The following HDAC9 variants were observed in gnomAD, a reference collection of about 807,000 sequenced individuals.
HDAC9 encodes the protein MEF-2 interacting transcription repressor (MITR) protein.
HDAC9 carries 41 observed loss-of-function variants against 139.4 expected under a neutral mutation model. The ratio of observed to expected loss-of-function variants is 0.29; its 90% CI spans 0.23 to 0.38. The LOEUF is 0.38. HDAC9 is among the 10% of genes least tolerant of loss of function. The probability of loss-of-function intolerance (pLI) is 1.00; values close to 1 mark genes in which losing one functional copy is unlikely to be tolerated. For missense variants in HDAC9, 1,147 were observed against 1,297.0 expected, an observed-to-expected ratio of 0.88 and a Z score of 1.78; for synonymous variants, 517 against 476.2, an observed-to-expected ratio of 1.09 and a Z score of -1.12.
In HDAC9 at chr7:18,568,773, C is replaced by T. The variant is rs188839479; in HGVS notation, c.23-16508C>T. Among the ~76,000 whole-genome samples the T allele has an allele frequency of 1.2e-3, 186 of 152,220 alleles. 1 individual carries two copies. Among genetic ancestry groups the T allele is most frequent in the African/African-American group, 4.2e-3 (174 of 41,540 alleles). ...ATGTGAGAATAAAAATTGGGCCGGG[C>T]GCAGTGGCTCACACCTGTAATCCCA... On this transcript the variant is annotated intron_variant, in intron 2 of 25. Coordinates refer to ENST00000686413, the MANE Select transcript of HDAC9 (RefSeq NM_178425.4).
At chr7:18,390,729 C>T (rs1786394688) in intron 1 of HDAC9, among the ~76,000 whole-genome samples, 1 of 152,214 alleles carries the variant, frequency 6.6e-6, no homozygotes, top group Non-Finnish European at 1.5e-5. Flanking sequence ...GGAGAAGTGA[C>T]TTATGAGAAT....
At chr7:18,096,222 A>T (rs895300734) in intron 1 of HDAC9, among the ~76,000 whole-genome samples, 1 of 152,208 alleles carries the variant, frequency 6.6e-6, no homozygotes, top group African/African-American at 2.4e-5. Context: ...CACACTCATG[A>T]TGATTATAAC....
At chr7:18,856,988 C>T (rs1400237452) in intron 21 of HDAC9, among the ~76,000 whole-genome samples, 2 of 152,008 alleles carry the variant, frequency 1.3e-5, no homozygotes, top group Non-Finnish European at 2.9e-5. Flanking sequence ...TTCATATATT[C>T]TTCTCCTACC....
intron 1 of HDAC9, among the ~76,000 whole-genome samples, chr7:18,467,133 G>T (rs1051758110): frequency 4.6e-5 from 7 of 151,982 alleles, no homozygotes; most frequent in African/African-American, 7.3e-5. Flanking sequence ...CTTTAATAAG[G>T]CCAAAATATC....
In HDAC9 at chr7:18,196,032, C is replaced by T. The variant is rs59786783; in HGVS notation, c.25+33683C>T. On this transcript the variant is annotated intron_variant, in intron 2 of 12. Coordinates refer to the HDAC9 transcript ENST00000417496. ...TATTCTTTTAAAGCTTTGTGTCTAC[C>T]ACTGTTTTAGCATGCATTACATTCC... Among the ~76,000 whole-genome samples, 431 of 152,110 alleles carry T rather than the reference C, an allele frequency of 2.8e-3. 1 individual carries two copies. Among genetic ancestry groups the T allele is most frequent in the African/African-American group, 9.6e-3 (397 of 41,482 alleles).
At chr7:18,382,763 A>T (rs748126072) in intron 1 of HDAC9, among the ~76,000 whole-genome samples, 1 of 152,282 alleles carries the variant, frequency 6.6e-6, no homozygotes, top group Non-Finnish European at 1.5e-5. Flanking sequence ...TAATAATTTT[A>T]AAGTAATTAT....
chr7:18,277,722 A>G (rs1013556767), intron 2 of HDAC9, among the ~76,000 whole-genome samples: 3 of 152,102 alleles, frequency 2.0e-5, no homozygotes, highest in African/African-American at 4.8e-5. Flanking sequence ...CAAATATGGG[A>G]ATATTTTCAG....
At chr7:18,392,064 A>G (rs956368292) in intron 1 of HDAC9, among the ~76,000 whole-genome samples, 2 of 152,146 alleles carry the variant, frequency 1.3e-5, no homozygotes, top group African/African-American at 4.8e-5. Flanking sequence ...TGAGCAAGAC[A>G]CAGTGAAAAG....
intron 22 of HDAC9, among the ~76,000 whole-genome samples, chr7:18,915,090 C>T (rs554281106): frequency 5.3e-4 from 81 of 152,104 alleles, no homozygotes; most frequent in Middle Eastern, 3.4e-3. Context: ...TCAATTTGTA[C>T]GCATTTGTGC....
chr7:18,701,056 C>G (rs1373243611), intron 12 of HDAC9, among the ~76,000 whole-genome samples: 1 of 151,664 alleles, frequency 6.6e-6, no homozygotes, highest in Non-Finnish European at 1.5e-5. Context: ...GATACAGGAC[C>G]AAATTAAAAA....
At chr7:18,371,026 T>G (rs1487985538) in intron 1 of HDAC9, among the ~76,000 whole-genome samples, 1 of 152,164 alleles carries the variant, frequency 6.6e-6, no homozygotes, top group African/African-American at 2.4e-5. Flanking sequence ...AACTCGCGCA[T>G]CATGTCACTC....
intron 12 of HDAC9, among the ~76,000 whole-genome samples, chr7:18,687,041 G>A (rs1782324981): frequency 6.6e-6 from 1 of 151,782 alleles, no homozygotes. Flanking sequence ...GATACAGTAT[G>A]CTTTGAGAGT....
chr7:18,667,277 A>G, intron 12 of HDAC9: 1 of 984,798 alleles, frequency 1.0e-6, no homozygotes, highest in African/African-American at 1.7e-5. Flanking sequence ...ATTATGGTCC[A>G]ATCAGATACA....
chr7:18,483,391 G>C (rs1463093927), intron 1 of HDAC9, among the ~76,000 whole-genome samples: 1 of 152,118 alleles, frequency 6.6e-6, no homozygotes, highest in Non-Finnish European at 1.5e-5. Context: ...AGAAAAAGCA[G>C]AATAAAGGAA....
Position 18,140,071 on chromosome 7 carries a change from A to G in HDAC9, c.-96-22158A>G, listed in dbSNP as rs536540915. On this transcript the variant is annotated intron_variant, in intron 1 of 12. Transcript: ENST00000417496. ...CAACACTGTGGAGAAGTGTAAGCCC[A>G]TAAGCAACCTCAGTCCATGATGAAA... Among the ~76,000 whole-genome samples the G allele has an allele frequency of 8.5e-5, 13 of 152,304 alleles. No homozygotes were observed. The East Asian group carries it at 1.2e-3, about 14-fold the overall frequency.
At chr7:18,839,103 C>T (rs565578371) in intron 21 of HDAC9, among the ~76,000 whole-genome samples, 11 of 152,074 alleles carry the variant, frequency 7.2e-5, no homozygotes, top group South Asian at 2.1e-4. Context: ...AGATTCTTCA[C>T]GAGAATTCTT....
At chr7:18,272,574 T>A (rs1796422241) in intron 2 of HDAC9, among the ~76,000 whole-genome samples, 1 of 152,104 alleles carries the variant, frequency 6.6e-6, no homozygotes, top group South Asian at 2.1e-4. Context: ...ACACTAGCTA[T>A]CGAAATAAAA....
chr7:18,383,675 G>C (rs1785643541), intron 1 of HDAC9, among the ~76,000 whole-genome samples: 1 of 151,214 alleles, frequency 6.6e-6, no homozygotes, highest in Non-Finnish European at 1.5e-5. Flanking sequence ...TGAAAGAAAA[G>C]GAAGAAATCA....
intron 17 of HDAC9, among the ~76,000 whole-genome samples, chr7:18,794,589 A>G (rs73310565): frequency 0.017 from 2,602 of 152,288 alleles, 69 homozygotes; most frequent in African/African-American, 0.058. Context: ...CTCAGGGGAT[A>G]TATGGGGTCA....
Sources: allele counts gnomAD v4.1 joint callset (sites outside exome capture counted in the v4.1 genomes callset), GRCh38; gene constraint gnomAD v4.1.1; transcripts MANE v1.5; gene names NCBI Gene and HGNC (gene_info 2026-07-23, HGNC 2026-07-21).